Variants in SLX9 observed in about 807,000 individuals in gnomAD.
The protein encoded by SLX9 is SLX9 ribosome biogenesis factor, also known as ribosome biogenesis protein SLX9 homolog.
SLX9 carries 19 observed loss-of-function variants against 20.8 expected under a neutral mutation model. That is an observed-to-expected ratio of 0.91 (90% CI 0.64 to 1.34). SLX9 has a LOEUF of 1.34. Among genes scored for constraint, SLX9 ranks in the 40% most tolerant of loss-of-function variants. The pLI is 0.00. For missense variants in SLX9, 299 were observed against 322.2 expected, an observed-to-expected ratio of 0.93 and a Z score of 0.55; for synonymous variants, 113 against 137.1, an observed-to-expected ratio of 0.82 and a Z score of 1.23.
At chr21:44,964,078 A>C (rs9974072) in intron 3 of SLX9, among the ~76,000 whole-genome samples, 5 of 151,950 alleles carry the variant, frequency 3.3e-5, no homozygotes, top group Non-Finnish European at 7.4e-5. Flanking sequence ...TTCATCATCA[A>C]TGTTATTCAG....
At chr21:44,954,134 T>G (rs2084810952) in intron 2 of SLX9, among the ~76,000 whole-genome samples, 2 of 152,038 alleles carry the variant, frequency 1.3e-5, no homozygotes, top group South Asian at 4.2e-4. Context: ...GAGCTAACAC[T>G]GGGGGTGGGT....
At chr21:44,954,017 T>C (rs1012278532) in intron 2 of SLX9, among the ~76,000 whole-genome samples, 4 of 152,164 alleles carry the variant, frequency 2.6e-5, no homozygotes, top group African/African-American at 9.7e-5. Flanking sequence ...CTTGTTACCC[T>C]GGCTGGGAGC....
rs777682781 is a variant in SLX9, at chr21:44,960,176, CA to C, written c.352+9del. On this transcript the variant is annotated intron_variant, in intron 3 of 5. Coordinates refer to ENST00000291634, the MANE Select transcript of SLX9 (RefSeq NM_058190.4). ...GTGAGCAATGGTTGCAGAGTAAGTC[CA>C]TGCCTGCGTCTTGAGGCAGCTGCCG... 3 of 1,614,008 alleles carry C rather than the reference CA, an allele frequency of 1.9e-6. No individual in the cohort carries two copies. The East Asian group carries it at 6.7e-5, about 36-fold the overall frequency.
At chr21:44,943,637 C>T in intron 1 of SLX9, 47 bp from the exon 2 acceptor site, 2 of 1,603,794 alleles carry the variant, frequency 1.2e-6, no homozygotes, top group Non-Finnish European at 8.5e-7. Context: ...AACCACAGAG[C>T]AAGTCTCACA....
chr21:44,960,219 G>A (rs1334255147), intron 3 of SLX9, 51 bp downstream of exon 3: 9 of 1,535,802 alleles, frequency 5.9e-6, no homozygotes, highest in South Asian at 3.4e-5. Flanking sequence ...GTCCCATCCC[G>A]TGGGCCCTCC....
chr21:44,971,047 T>G (rs2085134239), intron 4 of SLX9, among the ~76,000 whole-genome samples: 1 of 120,488 alleles, frequency 8.3e-6, no homozygotes, highest in Non-Finnish European at 1.8e-5. Flanking sequence ...CGAGCGACAC[T>G]TGACTCCGGT....
At chr21:44,956,723 A>C (rs2084864408) in intron 2 of SLX9, among the ~76,000 whole-genome samples, 1 of 152,260 alleles carries the variant, frequency 6.6e-6, no homozygotes, top group African/African-American at 2.4e-5. Flanking sequence ...AGGGTCCATC[A>C]GAACACGTGC....
intron 2 of SLX9, among the ~76,000 whole-genome samples, chr21:44,951,749 T>C (rs981371618): frequency 6.6e-6 from 1 of 152,124 alleles, no homozygotes; most frequent in African/African-American, 2.4e-5. Context: ...CCTACAGGTG[T>C]TCTCGCCCAG....
chr21:44,948,177 G>A (rs2084680029), intron 2 of SLX9, among the ~76,000 whole-genome samples: 1 of 151,290 alleles, frequency 6.6e-6, no homozygotes, highest in African/African-American at 2.4e-5. Context: ...CGGGCGATCG[G>A]GCATCCGGGG....
intron 4 of SLX9, among the ~76,000 whole-genome samples, chr21:44,967,727 C>T (rs530813223): frequency 1.3e-3 from 194 of 149,404 alleles, no homozygotes; most frequent in Non-Finnish European, 2.3e-3. Flanking sequence ...GGCCTGCTGT[C>T]GGGTGTGGTG....
At chr21:44,956,780 C>T (rs78809742) in intron 2 of SLX9, among the ~76,000 whole-genome samples, 2,820 of 152,340 alleles carry the variant, frequency 0.019, 86 homozygotes, top group African/African-American at 0.064. Flanking sequence ...GAGCCTGGTT[C>T]TGTGTCTGCT....
At chr21:44,947,163 C>T (rs886357259) in intron 2 of SLX9, among the ~76,000 whole-genome samples, 1 of 152,168 alleles carries the variant, frequency 6.6e-6, no homozygotes, top group South Asian at 2.1e-4. Context: ...GCGTCCCTAC[C>T]CCCACCCCAC....
intron 4 of SLX9, among the ~76,000 whole-genome samples, chr21:44,972,028 G>C (rs539396250): frequency 6.6e-6 from 1 of 152,162 alleles, no homozygotes; most frequent in African/African-American, 2.4e-5. Flanking sequence ...AAAAGAAAGC[G>C]GGTGCTGAGG....
intron 3 of SLX9, among the ~76,000 whole-genome samples, chr21:44,962,463 C>T (rs948930423): frequency 3.3e-5 from 5 of 152,202 alleles, no homozygotes; most frequent in East Asian, 1.9e-4. Flanking sequence ...TTTTGCTCAG[C>T]GTAATGGTTT....
At chr21:44,945,437 C>G (rs1419748296) in intron 2 of SLX9, among the ~76,000 whole-genome samples, 1 of 152,250 alleles carries the variant, frequency 6.6e-6, no homozygotes, top group Non-Finnish European at 1.5e-5. Context: ...CTCTTTCACA[C>G]AGCAGCCTCT....
At chr21:44,948,267 C>T (rs1437229387) in intron 2 of SLX9, among the ~76,000 whole-genome samples, 2 of 144,522 alleles carry the variant, frequency 1.4e-5, no homozygotes, top group East Asian at 4.1e-4. Flanking sequence ...CGTGAAGCAT[C>T]GGGCGGTCCG....
In SLX9 at chr21:44,943,679, A is replaced by G; in HGVS notation, c.130-5A>G. The G allele has an allele frequency of 6.2e-6, 10 of 1,613,936 alleles. No individual in the cohort carries two copies. The highest frequency in any genetic ancestry group is 7.6e-6 in the Non-Finnish European group (9 of 1,179,856). ...CTTTTCGTCCGTTTTTGTTGGGGAC[A>G]TTAGGACTGGGCGTTCATCAACACC... On this transcript the variant is annotated splice_region_variant and splice_polypyrimidine_tract_variant and intron_variant, in intron 1 of 5. Coordinates refer to ENST00000291634, the MANE Select transcript of SLX9 (RefSeq NM_058190.4).
intron 2 of SLX9, among the ~76,000 whole-genome samples, chr21:44,955,994 T>G (rs114558313): frequency 0.019 from 2,818 of 152,266 alleles, 85 homozygotes; most frequent in African/African-American, 0.064. Context: ...ATGGACGAGG[T>G]GTCTGCTGAT....
chr21:44,954,611 C>T (rs1195593858), intron 2 of SLX9, among the ~76,000 whole-genome samples: 2 of 152,190 alleles, frequency 1.3e-5, no homozygotes, highest in Non-Finnish European at 2.9e-5. Context: ...AAACGTCCTC[C>T]GGCCCTGCAG....
Sources: allele counts gnomAD v4.1 joint callset (sites outside exome capture counted in the v4.1 genomes callset), GRCh38; gene constraint gnomAD v4.1.1; transcripts MANE v1.5; gene names NCBI Gene and HGNC (gene_info 2026-07-23, HGNC 2026-07-21).